Variants in CDKAL1 observed in about 807,000 individuals in gnomAD.
CDKAL1 encodes threonylcarbamoyladenosine tRNA methylthiotransferase.
In CDKAL1, 32 loss-of-function variants were observed where a neutral mutation model predicts 68.2. The ratio of observed to expected loss-of-function variants is 0.47; its 90% CI spans 0.35 to 0.63. The LOEUF is 0.63. CDKAL1 is among the 30% of genes least tolerant of loss of function. The pLI is 0.00. For synonymous variants in CDKAL1, 234 were observed against 244.3 expected, an observed-to-expected ratio of 0.96 and a Z score of 0.39; for missense variants, 606 against 696.7, an observed-to-expected ratio of 0.87 and a Z score of 1.47.
intron 10 of CDKAL1, among the ~76,000 whole-genome samples, chr6:20,998,200 A>T (rs985803885): frequency 9.2e-5 from 14 of 152,302 alleles, no homozygotes; most frequent in Admixed American, 1.3e-4. Flanking sequence ...TTGATGTTCA[A>T]GTGTGAAGAA....
At chr6:20,733,303 C>T (rs1007850117) in intron 5 of CDKAL1, among the ~76,000 whole-genome samples, 4 of 152,230 alleles carry the variant, frequency 2.6e-5, no homozygotes, top group Non-Finnish European at 4.4e-5. Flanking sequence ...TCTTCCTTCT[C>T]GCTCTAAACT....
intron 4 of CDKAL1, among the ~76,000 whole-genome samples, chr6:20,607,412 C>T (rs1466010938): frequency 1.3e-5 from 2 of 152,114 alleles, no homozygotes; most frequent in African/African-American, 4.8e-5. Context: ...ATTTTTATAT[C>T]AGTTGGCATC....
intron 4 of CDKAL1, among the ~76,000 whole-genome samples, chr6:20,561,446 GAAAAAAAAAA>G (rs55750789): frequency 5.0e-5 from 4 of 79,652 alleles, no homozygotes; most frequent in African/African-American, 2.0e-4. Flanking sequence ...TCTCAAAAAA[GAAAAAAAAAA>G]AAAAAAAAAA....
chr6:21,226,163 A>G (rs1779732447), intron 15 of CDKAL1, among the ~76,000 whole-genome samples: 1 of 152,186 alleles, frequency 6.6e-6, no homozygotes, highest in Admixed American at 6.5e-5. Context: ...CCTTTCCCCA[A>G]CAATACGTGC....
chr6:21,056,821 A>G (rs1034815065), intron 11 of CDKAL1, among the ~76,000 whole-genome samples: 1 of 152,210 alleles, frequency 6.6e-6, no homozygotes, highest in Non-Finnish European at 1.5e-5. Flanking sequence ...GTGATGAATC[A>G]CATTTATTGA....
At chr6:21,146,336 C>CA (rs1020731685) in intron 13 of CDKAL1, among the ~76,000 whole-genome samples, 10 of 151,708 alleles carry the variant, frequency 6.6e-5, no homozygotes, top group Admixed American at 4.6e-4. Flanking sequence ...AAAAATTGAC[C>CA]AAAAAAAATC....
At chr6:21,182,904 T>G (rs886548122) in intron 13 of CDKAL1, among the ~76,000 whole-genome samples, 3 of 152,172 alleles carry the variant, frequency 2.0e-5, no homozygotes, top group Non-Finnish European at 4.4e-5. Flanking sequence ...TCAAAATCTC[T>G]AGGTTTTGAT....
At chr6:20,866,987 CTT>C (rs1275972479) in intron 9 of CDKAL1, among the ~76,000 whole-genome samples, 2 of 152,152 alleles carry the variant, frequency 1.3e-5, no homozygotes, top group Non-Finnish European at 2.9e-5. Flanking sequence ...TTATTGGTGA[CTT>C]ATACAGTAGA....
At chr6:20,785,706 G>GA (rs1775643638) in intron 8 of CDKAL1, among the ~76,000 whole-genome samples, 1 of 151,914 alleles carries the variant, frequency 6.6e-6, no homozygotes, top group African/African-American at 2.4e-5. Context: ...TTTTTCAGTA[G>GA]AAAATGAGCC....
intron 13 of CDKAL1, among the ~76,000 whole-genome samples, chr6:21,179,792 G>C (rs1377686163): frequency 1.3e-5 from 2 of 152,106 alleles, no homozygotes; most frequent in African/African-American, 4.8e-5. Context: ...TCAGCACTTT[G>C]GTAGGCTGCC....
chr6:21,160,666 T>TGG (rs1776883088), intron 13 of CDKAL1, among the ~76,000 whole-genome samples: 1 of 128,556 alleles, frequency 7.8e-6, no homozygotes, highest in African/African-American at 2.9e-5. Flanking sequence ...CGTGTGTGTG[T>TGG]GTGTGTGTGT....
chr6:20,961,640 G>A (rs13211056), intron 10 of CDKAL1, among the ~76,000 whole-genome samples: 70,541 of 151,680 alleles, frequency 0.47, 18,014 homozygotes, highest in East Asian at 0.64. Flanking sequence ...GGTGGCGGGT[G>A]CCTGTAGTCT....
At chr6:20,996,310 A>G (rs1290024302) in intron 10 of CDKAL1, among the ~76,000 whole-genome samples, 1 of 152,212 alleles carries the variant, frequency 6.6e-6, no homozygotes, top group African/African-American at 2.4e-5. Flanking sequence ...CTTTGCATTC[A>G]TAATTTGGCT....
At chr6:20,655,293 A>T (rs190238328) in intron 5 of CDKAL1, among the ~76,000 whole-genome samples, 1 of 152,312 alleles carries the variant, frequency 6.6e-6, no homozygotes, top group East Asian at 1.9e-4. Context: ...GGTTGTGTGT[A>T]AGGAAGAGTA....
intron 12 of CDKAL1, 102 bp from the exon 13 acceptor site, chr6:21,108,296 AAAC>A: frequency 1.5e-6 from 1 of 688,274 alleles, no homozygotes; most frequent in Non-Finnish European, 2.4e-6. Context: ...AAAAAAAAAA[AAAC>A]TTTATGTATG....
chr6:20,812,107 A>C (rs949946976), intron 8 of CDKAL1, among the ~76,000 whole-genome samples: 1 of 152,158 alleles, frequency 6.6e-6, no homozygotes, highest in Non-Finnish European at 1.5e-5. Context: ...AATTCCTCTG[A>C]AAAGAATTTT....
intron 8 of CDKAL1, among the ~76,000 whole-genome samples, chr6:20,808,532 G>A (rs1219412855): frequency 1.3e-5 from 2 of 152,090 alleles, no homozygotes; most frequent in African/African-American, 2.4e-5. Context: ...GAGCATTATA[G>A]CAGTGTTCTT....
intron 2 of CDKAL1, among the ~76,000 whole-genome samples, chr6:20,544,503 G>A (rs1293310050): frequency 6.7e-6 from 1 of 148,398 alleles, no homozygotes; most frequent in East Asian, 2.0e-4. Flanking sequence ...GGCTGAGGCA[G>A]GAGAATGGCG....
At chr6:21,135,927 C>G (rs778607944) in intron 13 of CDKAL1, among the ~76,000 whole-genome samples, 13 of 152,218 alleles carry the variant, frequency 8.5e-5, no homozygotes, top group Non-Finnish European at 1.9e-4. Flanking sequence ...AATAAACTCC[C>G]ATAATGCCAA....
Sources: allele counts gnomAD v4.1 joint callset (sites outside exome capture counted in the v4.1 genomes callset), GRCh38; gene constraint gnomAD v4.1.1; transcripts MANE v1.5; gene names NCBI Gene and HGNC (gene_info 2026-07-23, HGNC 2026-07-21).